Variants in PPP1R12B observed in about 807,000 individuals in gnomAD.
PPP1R12B encodes the protein protein phosphatase 1 regulatory subunit 12B, also known as myosin phosphatase target subunit 2.
In PPP1R12B, 76 loss-of-function variants were observed where a neutral mutation model predicts 126.1. That is an observed-to-expected ratio of 0.60 (90% CI 0.50 to 0.73). The LOEUF (loss-of-function observed/expected upper bound fraction) is 0.73. Ranked by LOEUF, PPP1R12B falls within the 30% of genes least tolerant of loss-of-function variation. The pLI is 0.00. For missense variants in PPP1R12B, 1,052 were observed against 1,205.1 expected (o/e 0.87, Z 1.88); for synonymous variants, 356 against 434.7 (o/e 0.82, Z 2.25).
At chr1:202,460,894 T>G (rs1674226456) in intron 13 of PPP1R12B, among the ~76,000 whole-genome samples, 1 of 152,198 alleles carries the variant, frequency 6.6e-6, no homozygotes. Flanking sequence ...TGAATATGCC[T>G]TACAAACAAA....
chr1:202,551,918 C>G (rs1686370426), intron 18 of PPP1R12B, among the ~76,000 whole-genome samples: 1 of 152,160 alleles, frequency 6.6e-6, no homozygotes, highest in African/African-American at 2.4e-5. Flanking sequence ...GGATTCCTGC[C>G]AACAGCCTGG....
intron 23 of PPP1R12B, among the ~76,000 whole-genome samples, chr1:202,574,694 G>T (rs904571393): frequency 3.3e-5 from 5 of 152,144 alleles, no homozygotes; most frequent in African/African-American, 1.2e-4. Context: ...ACCACATGCT[G>T]GACTTTCATT....
chr1:202,385,459 C>T (rs1662965754), intron 1 of PPP1R12B, among the ~76,000 whole-genome samples: 1 of 152,158 alleles, frequency 6.6e-6, no homozygotes. Context: ...ATAGCACCAG[C>T]AAACACCATA....
At chr1:202,407,630 T>C (rs1486360076) in intron 1 of PPP1R12B, among the ~76,000 whole-genome samples, 2 of 152,204 alleles carry the variant, frequency 1.3e-5, no homozygotes, top group Admixed American at 1.3e-4. Context: ...ACTGCTGTGA[T>C]GATTTCCACT....
intron 1 of PPP1R12B, among the ~76,000 whole-genome samples, chr1:202,382,362 T>C (rs2148493056): frequency 6.6e-6 from 1 of 151,502 alleles, no homozygotes; most frequent in South Asian, 2.1e-4. Flanking sequence ...ACATGGCACA[T>C]GTATACATAT....
intron 13 of PPP1R12B, among the ~76,000 whole-genome samples, chr1:202,460,527 C>T (rs1372482327): frequency 6.8e-6 from 1 of 147,482 alleles, no homozygotes; most frequent in Non-Finnish European, 1.5e-5. Context: ...GTTGTCAATT[C>T]AAAAAGGTAC....
intron 1 of PPP1R12B, among the ~76,000 whole-genome samples, chr1:202,371,322 A>C (rs1452118697): frequency 6.6e-6 from 1 of 151,686 alleles, no homozygotes; most frequent in Non-Finnish European, 1.5e-5. Context: ...TGCCCAGCCT[A>C]CATCTTTGTT....
chr1:202,499,462 C>T (rs1190288565), intron 18 of PPP1R12B, among the ~76,000 whole-genome samples: 1 of 152,106 alleles, frequency 6.6e-6, no homozygotes, highest in Non-Finnish European at 1.5e-5. Flanking sequence ...ACCACGTTGC[C>T]CAGGCTGGTC....
At chr1:202,404,436 C>G (rs191498506) in intron 1 of PPP1R12B, among the ~76,000 whole-genome samples, 52 of 152,138 alleles carry the variant, frequency 3.4e-4, no homozygotes, top group Non-Finnish European at 1.5e-4. Context: ...TTCATCGCTG[C>G]TGTTTCAGTG....
intron 1 of PPP1R12B, among the ~76,000 whole-genome samples, chr1:202,378,343 C>T (rs1197745928): frequency 6.7e-6 from 1 of 148,508 alleles, no homozygotes; most frequent in African/African-American, 2.5e-5. Flanking sequence ...ACTGACCCAT[C>T]TCTTTCCTTT....
intron 3 of PPP1R12B, among the ~76,000 whole-genome samples, chr1:202,424,468 C>T (rs1206150751): frequency 2.0e-5 from 3 of 151,898 alleles, no homozygotes; most frequent in Non-Finnish European, 4.4e-5. Flanking sequence ...GGATTACAGG[C>T]GCCCACCACT....
At chr1:202,354,618 T>A (rs764839104) in intron 1 of PPP1R12B, among the ~76,000 whole-genome samples, 27 of 151,908 alleles carry the variant, frequency 1.8e-4, no homozygotes, top group Non-Finnish European at 8.8e-5. Context: ...GTTTTTGATA[T>A]TTGAATAATA....
chr1:202,473,907 C>T (rs760358253), intron 13 of PPP1R12B: 19 of 532,666 alleles, frequency 3.6e-5, no homozygotes, highest in South Asian at 7.0e-5. Flanking sequence ...TTCATTTCCA[C>T]GCATCTCTTG....
chr1:202,518,944 G>C (rs1387323536), intron 18 of PPP1R12B, among the ~76,000 whole-genome samples: 2 of 152,168 alleles, frequency 1.3e-5, no homozygotes, highest in Non-Finnish European at 2.9e-5. Flanking sequence ...AATATAGTCT[G>C]TCTATACATA....
intron 1 of PPP1R12B, among the ~76,000 whole-genome samples, chr1:202,397,475 A>G (rs1025536727): frequency 1.1e-4 from 17 of 152,216 alleles, no homozygotes; most frequent in African/African-American, 4.1e-4. Flanking sequence ...GGTCTTGTCC[A>G]CATGCCCAGC....
chr1:202,425,740 C>T lies in PPP1R12B; in HGVS notation c.701+15C>T, dbSNP rs370701700. 8.1e-6 allele frequency: 13 copies of T among 1,607,576 alleles called. No homozygotes were observed. The highest frequency in any genetic ancestry group is 1.1e-5 in the Non-Finnish European group (13 of 1,175,962). On this transcript the variant is annotated intron_variant, in intron 4 of 23. Transcript: ENST00000608999. ...GAAGTCCTCAGGTATTGTCCATTTACATCAATCAGGAGTGGTTCACTGGGA... is the reference window on the plus strand; with the variant it reads ...GAAGTCCTCAGGTATTGTCCATTTATATCAATCAGGAGTGGTTCACTGGGA...
chr1:202,478,951 A>G (rs866725074), intron 13 of PPP1R12B, among the ~76,000 whole-genome samples: 1 of 152,210 alleles, frequency 6.6e-6, no homozygotes, highest in Middle Eastern at 3.2e-3. Context: ...TATGCAAAGA[A>G]GAGATAAAGA....
chr1:202,434,001 C>A (rs576792740), intron 8 of PPP1R12B, among the ~76,000 whole-genome samples: 94 of 152,288 alleles, frequency 6.2e-4, no homozygotes, highest in African/African-American at 2.1e-3. Flanking sequence ...CATGAATAAA[C>A]TACATGTCAC....
intron 1 of PPP1R12B, among the ~76,000 whole-genome samples, chr1:202,393,816 T>G (rs1250784740): frequency 6.6e-6 from 1 of 152,130 alleles, no homozygotes; most frequent in Non-Finnish European, 1.5e-5. Context: ...ATCCCAACAC[T>G]TTGGGAGGCC....
Sources: gnomAD v4.1 joint callset for allele counts (sites outside exome capture counted in the v4.1 genomes callset) on GRCh38, gnomAD v4.1.1 for gene constraint, MANE v1.5 for transcripts, NCBI Gene and HGNC (gene_info 2026-07-23, HGNC 2026-07-21) for gene names.